Variants in GTPBP1 observed in about 807,000 individuals in gnomAD.
GTPBP1 encodes GTP-binding protein 1.
A neutral mutation model predicts 62.0 loss-of-function variants in GTPBP1; 23 were observed. That is an observed-to-expected ratio of 0.37 (90% confidence interval 0.27 to 0.53). The LOEUF is 0.53. GTPBP1 is among the 20% of genes least tolerant of loss of function. GTPBP1 has a pLI of 0.89. For missense variants in GTPBP1, 640 were observed against 917.3 expected (o/e 0.70, Z 3.90); for synonymous variants, 344 against 364.4 (o/e 0.94, Z 0.64).
rs1412973102 is a variant in GTPBP1 at position 38,727,364 on chromosome 22, C to T, written c.1537+16C>T. 3 of 1,532,408 alleles carry T rather than the reference C, an allele frequency of 2.0e-6. No homozygotes were observed. Among genetic ancestry groups the T allele is most frequent in the East Asian group, 2.5e-5 (1 of 40,590 alleles). The allele number at this position is 1,532,408 out of a possible 1,614,324, so 94.9% of individuals were successfully genotyped here. On this transcript the variant is annotated intron_variant, in intron 9 of 11. Coordinates refer to ENST00000216044, the MANE Select transcript of GTPBP1 (RefSeq NM_004286.5). This position sits in a 1 kb window ranked among gnomAD's most constrained non-coding sequence, Gnocchi z 6.5. ...CAGGCCATGGGTAGGTGTCTAAGGC[C>T]CTGCCAGCCCAGGAGGCCGTCGTGT...
intron 2 of GTPBP1, among the ~76,000 whole-genome samples, chr22:38,715,020 A>G (rs1448770206): frequency 6.6e-6 from 1 of 152,168 alleles, no homozygotes; most frequent in East Asian, 1.9e-4. Flanking sequence ...GAGCCACCTC[A>G]GTTAAAAATC....
At chr22:38,724,623 C>T (rs2092717526) in intron 6 of GTPBP1, among the ~76,000 whole-genome samples, 2 of 152,168 alleles carry the variant, frequency 1.3e-5, no homozygotes, top group African/African-American at 2.4e-5. Context: ...GGTAATATCA[C>T]GTAACCCAGA....
chr22:38,725,471 A>G (rs1019573583), intron 6 of GTPBP1: 1 of 154,194 alleles, frequency 6.5e-6, no homozygotes, highest in African/African-American at 2.4e-5. Flanking sequence ...CATAAAAGGG[A>G]AAGAATTCAG....
chr22:38,714,037 CG>C (rs1452480903), intron 2 of GTPBP1, among the ~76,000 whole-genome samples: 1 of 151,490 alleles, frequency 6.6e-6, no homozygotes, highest in Admixed American at 6.6e-5. Flanking sequence ...GAGACAAGAG[CG>C]GGGGACGGGG....
At chr22:38,710,504 A>G (rs1023895711) in intron 2 of GTPBP1, among the ~76,000 whole-genome samples, 2 of 152,082 alleles carry the variant, frequency 1.3e-5, no homozygotes, top group Non-Finnish European at 2.9e-5. Flanking sequence ...GGGTCTTACC[A>G]CCTAAAGGAA....
chr22:38,739,512 G>A, downstream of GTPBP1: 1 of 1,487,922 alleles, frequency 6.7e-7, no homozygotes, highest in Non-Finnish European at 9.3e-7. This position sits in a 1 kb window ranked among gnomAD's most constrained non-coding sequence, Gnocchi z 6.7. Context: ...AGGACCCATG[G>A]GCTGACCCCT....
intron 2 of GTPBP1, 107 bp from the exon 3 acceptor site, chr22:38,715,800 G>A: frequency 1.2e-6 from 1 of 831,424 alleles, no homozygotes; most frequent in Non-Finnish European, 1.9e-6. Flanking sequence ...TGCAGTGCTG[G>A]GGTCGGGGGG....
chr22:38,741,702 T>G (rs2044951186), downstream of GTPBP1: 30 of 789,180 alleles, frequency 3.8e-5, no homozygotes, highest in Non-Finnish European at 6.1e-5. Flanking sequence ...CAGCCTTCTC[T>G]GAACCACGCA....
At chr22:38,710,562 G>A (rs774582945) in intron 2 of GTPBP1, among the ~76,000 whole-genome samples, 2 of 152,178 alleles carry the variant, frequency 1.3e-5, no homozygotes, top group Non-Finnish European at 2.9e-5. Context: ...TATCAAGAAA[G>A]GGAGAGAGTT....
chr22:38,720,373 C>T (rs903691343), intron 4 of GTPBP1, among the ~76,000 whole-genome samples: 6 of 149,958 alleles, frequency 4.0e-5, no homozygotes, highest in African/African-American at 1.5e-4. Context: ...GCAACTGCCA[C>T]CACATGCAGC....
chr22:38,715,960 G>T lies in GTPBP1; in HGVS notation c.358G>T (p.Val120Leu), dbSNP rs749991788. The change falls in exon 3 of 12, where the codon GTG becomes TTG. Residue 120 changes from valine (V) to leucine (L), a missense_variant. Transcript: ENST00000216044. ...TGACATGGAGGCCTCCTACGCCACA[G>T]TGAAGAGCATGGCGGAACAGATAGA... ...EADMEASYATVKSMAEQIEAD... is the reference protein window; with the variant it reads ...EADMEASYATLKSMAEQIEAD... 6.2e-7 allele frequency: 1 copy of T among 1,614,072 alleles called. No homozygotes were observed. Among genetic ancestry groups the T allele is most frequent in the Non-Finnish European group, 8.5e-7 (1 of 1,179,924 alleles).
downstream of GTPBP1, chr22:38,734,918 A>G: frequency 4.3e-6 from 1 of 231,440 alleles, no homozygotes; most frequent in Non-Finnish European, 8.8e-6. Flanking sequence ...TTTGAGGCTC[A>G]GTGCTGCAGT....
At position 38,708,938 on chromosome 22, in the gene GTPBP1, G is replaced by A. The variant is rs959774993; in HGVS notation, c.286G>A (p.Val96Ile). Residue 96 changes from valine (V) to isoleucine (I), a missense_variant, in exon 2 of 12, where the codon GTC becomes ATC. Physicochemically the swap from Val to Ile is conservative, Grantham distance 29 (BLOSUM62 3). This residue lies in a region of GTPBP1 where 215 missense variants were observed against 235.1 expected (regional missense o/e 0.91). Transcript: ENST00000216044. ...MDEGCGETIY[V>I]IGQGSDGTEY... ...CGAGGGATGCGGAGAGACCATATAT[G>A]TCATTGGGCAGGGATCAGGTGAGCA... 1.9e-6 allele frequency: 3 copies of A among 1,589,838 alleles called. No homozygotes were observed. Among genetic ancestry groups the A allele is most frequent in the Non-Finnish European group, 2.6e-6 (3 of 1,157,862 alleles).
downstream of GTPBP1, chr22:38,738,125 T>A: frequency 6.4e-7 from 1 of 1,566,100 alleles, no homozygotes; most frequent in Non-Finnish European, 8.8e-7. The surrounding 1 kb of genome is among the most constrained non-coding windows in gnomAD (Gnocchi z 6.6). Flanking sequence ...ACCTGCTGCC[T>A]GGATGGGGAG....
At chr22:38,719,593 C>T (rs1432666532) in intron 4 of GTPBP1, among the ~76,000 whole-genome samples, 2 of 151,948 alleles carry the variant, frequency 1.3e-5, no homozygotes, top group African/African-American at 2.4e-5. Flanking sequence ...CAGGTGTGAG[C>T]CACCGTGCCC....
In GTPBP1 at chr22:38,727,423, G is replaced by C; in HGVS notation, c.1537+75G>C. 1 of 1,391,556 alleles carries C rather than the reference G, an allele frequency of 7.2e-7. No individual in the cohort carries two copies. The highest frequency in any genetic ancestry group is 9.6e-7 in the Non-Finnish European group (1 of 1,039,762). The allele number at this position is 1,391,556 out of a possible 1,614,324, so 86.2% of individuals were successfully genotyped here. ...CTCAGAAGGTGTTCCAGCAACCCAG[G>C]CCCCCTAGTTCCAGCTGCAGCTGGG... is the stretch of plus-strand genomic sequence containing the variant. On this transcript the variant is annotated intron_variant, in intron 9 of 11. Coordinates refer to ENST00000216044, the MANE Select transcript of GTPBP1 (RefSeq NM_004286.5). The surrounding 1 kb of genome is among the most constrained non-coding windows in gnomAD (Gnocchi z 6.5).
intron 5 of GTPBP1, chr22:38,723,287 T>C: frequency 1.1e-6 from 1 of 897,240 alleles, no homozygotes; most frequent in South Asian, 1.3e-5. Context: ...GGCTGTACCC[T>C]TAAAATAGGG....
In GTPBP1 at chr22:38,716,628, A is replaced by T. The variant is rs375020453; in HGVS notation, c.486-24A>T. On this transcript the variant is annotated intron_variant, in intron 3 of 11. Coordinates refer to ENST00000216044, the MANE Select transcript of GTPBP1 (RefSeq NM_004286.5). The surrounding 1 kb of genome is among the most constrained non-coding windows in gnomAD (Gnocchi z 5.2). ...CACTCATTCACTAACTCTCACATAG[A>T]TGTATGGGTTCATCTACACGCAGGG... is the stretch of plus-strand genomic sequence containing the variant. 1.3e-6 allele frequency: 2 copies of T among 1,543,094 alleles called. No homozygotes were observed. Among genetic ancestry groups the T allele is most frequent in the Admixed American group, 1.8e-5 (1 of 56,382 alleles).
At chr22:38,742,324 T>C (rs776301535), downstream of GTPBP1, 1 of 1,605,524 alleles carries the variant, frequency 6.2e-7, no homozygotes, top group Admixed American at 1.7e-5. Flanking sequence ...GCAGTTTCCC[T>C]GCGGAAATCC....
Sources: gnomAD v4.1 joint callset for allele counts (sites outside exome capture counted in the v4.1 genomes callset) on GRCh38, gnomAD v4.1.1 for gene constraint, gnomAD v4.1.1 regional missense constraint, Gnocchi (gnomAD v3.1) non-coding constraint, MANE v1.5 for transcripts, NCBI Gene and HGNC (gene_info 2026-07-23, HGNC 2026-07-21) for gene names.